BCL2L14: variants seen among roughly 807,000 people sequenced by gnomAD.
BCL2L14 encodes the protein apoptosis facilitator Bcl-2-like protein 14.
In BCL2L14, 27 loss-of-function variants were observed where a neutral mutation model predicts 35.3. That is an observed-to-expected ratio of 0.76 (90% confidence interval 0.56 to 1.05). The LOEUF (loss-of-function observed/expected upper bound fraction) is 1.05. Ranked by LOEUF, BCL2L14 falls within the 50% of genes least tolerant of loss-of-function variation. The pLI is 0.00. For missense variants in BCL2L14, 377 were observed against 382.6 expected (o/e 0.99, Z 0.12); for synonymous variants, 139 against 145.9 (o/e 0.95, Z 0.34).
chr12:12,095,729 C>T, intron 5 of BCL2L14: 2 of 985,388 alleles, frequency 2.0e-6, no homozygotes, highest in Non-Finnish European at 2.4e-6. Context: ...CTAGGCATGG[C>T]TGGAGTGACC....
intron 5 of BCL2L14, chr12:12,095,201 G>T (rs949972360): frequency 5.1e-6 from 5 of 985,262 alleles, no homozygotes; most frequent in Admixed American, 6.2e-5. Flanking sequence ...ATGAGGAGAT[G>T]CTGAGATAAG....
At chr12:12,072,879 T>A (rs1296827857) in intron 1 of BCL2L14, among the ~76,000 whole-genome samples, 1 of 151,544 alleles carries the variant, frequency 6.6e-6, no homozygotes, top group African/African-American at 2.4e-5. Flanking sequence ...TGGGTGGGTT[T>A]TTTTTTTTCT....
chr12:12,079,778 T>C (rs1565467898), intron 2 of BCL2L14, 40 bp downstream of exon 2: 1 of 1,584,196 alleles, frequency 6.3e-7, no homozygotes, highest in Admixed American at 1.7e-5. Context: ...CTTCCTGGTT[T>C]TTCCCTTCTT....
At chr12:12,055,363 G>A (rs1266235585) in intron 2 of BCL2L14, 1 of 152,180 alleles carries the variant, frequency 6.6e-6, no homozygotes, top group Non-Finnish European at 1.5e-5. Flanking sequence ...CCTGATCCGT[G>A]GGAGATGGGA....
intron 1 of BCL2L14, among the ~76,000 whole-genome samples, chr12:12,075,239 C>CAGTCTCCCA (rs1474357146): frequency 6.6e-6 from 1 of 152,054 alleles, no homozygotes; most frequent in Non-Finnish European, 1.5e-5. Flanking sequence ...TCTCCTGTTG[C>CAGTCTCCCA]AGTCTCCCAA....
chr12:12,066,806 G>A (rs1948599984), upstream of BCL2L14, among the ~76,000 whole-genome samples: 1 of 151,536 alleles, frequency 6.6e-6, no homozygotes, highest in African/African-American at 2.4e-5. Flanking sequence ...CGCCTCCCGG[G>A]TTCACGCCAT....
At chr12:12,086,645 G>T (rs1321954852) in intron 2 of BCL2L14, among the ~76,000 whole-genome samples, 1 of 152,256 alleles carries the variant, frequency 6.6e-6, no homozygotes. Context: ...TTTTCCAGTA[G>T]ACATGGAGAG....
chr12:12,079,329 C>T lies in BCL2L14; in HGVS notation c.24C>T (p.Asp8=). Residue 8 remains aspartate (D), a synonymous_variant, in exon 2 of 6, where the codon GAC becomes GAT. Coordinates refer to ENST00000308721, the MANE Select transcript of BCL2L14 (RefSeq NM_138723.2). The stretch of plus-strand genomic sequence containing the variant: ...ACATGTGTAGCACCAGTGGGTGTGA[C>T]CTGGAAGAAATCCCCCTAGATGATG... MCSTSGC[D]LEEIPLDDDD... is the part of the protein sequence containing the mutation. 6.2e-7 allele frequency: 1 copy of T among 1,613,804 alleles called. No homozygotes were observed. Among genetic ancestry groups the T allele is most frequent in the East Asian group, 2.2e-5 (1 of 44,892 alleles).
chr12:12,085,310 G>A (rs2136761297), intron 2 of BCL2L14, among the ~76,000 whole-genome samples: 1 of 152,254 alleles, frequency 6.6e-6, no homozygotes, highest in East Asian at 1.9e-4. Context: ...AGGTTGAAAA[G>A]GCAGCAGAGG....
At chr12:12,084,258 C>T (rs1220040072) in intron 2 of BCL2L14, among the ~76,000 whole-genome samples, 1 of 152,212 alleles carries the variant, frequency 6.6e-6, no homozygotes, top group Non-Finnish European at 1.5e-5. Context: ...CGCACCCAGC[C>T]TTAGCTCCCT....
At chr12:12,098,719 T>G in intron 5 of BCL2L14, among the ~76,000 whole-genome samples, 1 of 152,126 alleles carries the variant, frequency 6.6e-6, no homozygotes. Flanking sequence ...CCTCCCATCT[T>G]CAAGGAAAGA....
At chr12:12,057,861 A>G (rs192366623) in intron 2 of BCL2L14, among the ~76,000 whole-genome samples, 32 of 141,732 alleles carry the variant, frequency 2.3e-4, no homozygotes, top group Admixed American at 1.8e-3. Context: ...CCTTAAAGAC[A>G]GTGCCTGGGC....
chr12:12,065,654 C>T (rs1417402358), intron 2 of BCL2L14, among the ~76,000 whole-genome samples: 3 of 152,024 alleles, frequency 2.0e-5, no homozygotes, highest in Non-Finnish European at 4.4e-5. Flanking sequence ...TAAAGATTGC[C>T]TTAGTGAGGT....
chr12:12,098,914 A>G, intron 5 of BCL2L14, 36 bp from the exon 6 acceptor site: 1 of 1,462,376 alleles, frequency 6.8e-7, no homozygotes. Flanking sequence ...CAGTAAATCT[A>G]ACTTGGAATT....
At chr12:12,068,876 T>A (rs1482848191), upstream of BCL2L14, among the ~76,000 whole-genome samples, 3 of 152,162 alleles carry the variant, frequency 2.0e-5, no homozygotes, top group Non-Finnish European at 4.4e-5. Flanking sequence ...GCTGTTTGAT[T>A]GAGTATACGG....
chr12:12,093,505 G>C lies in BCL2L14; in HGVS notation c.679-1159G>C, dbSNP rs56799768. Among the ~76,000 whole-genome samples, 1,171 of 152,172 alleles carry C rather than the reference G, an allele frequency of 7.7e-3. 12 individuals carry two copies. Among genetic ancestry groups the C allele is most frequent in the African/African-American group, 0.027 (1,101 of 41,504 alleles). On this transcript the variant is annotated intron_variant, in intron 4 of 5. Transcript: ENST00000308721. ...AATAAAAGTTTCTTAAGAAAATGAA[G>C]GCTGGGTACGGGCACAGTGGCCCAC...
intron 5 of BCL2L14, among the ~76,000 whole-genome samples, chr12:12,096,446 A>C (rs1301251939): frequency 7.1e-6 from 1 of 141,408 alleles, no homozygotes; most frequent in Non-Finnish European, 1.6e-5. Context: ...AAAAAAAAAA[A>C]AACAACCCAC....
At chr12:12,080,129 C>G (rs1356307266) in intron 2 of BCL2L14, among the ~76,000 whole-genome samples, 1 of 150,264 alleles carries the variant, frequency 6.7e-6, no homozygotes, top group Non-Finnish European at 1.5e-5. Context: ...GGCGTGAACC[C>G]AGCAGGCGGA....
At chr12:12,078,926 A>G (rs1033427410) in intron 1 of BCL2L14, among the ~76,000 whole-genome samples, 4 of 152,200 alleles carry the variant, frequency 2.6e-5, no homozygotes, top group Non-Finnish European at 4.4e-5. Flanking sequence ...CCTCCCAAGT[A>G]GCCGGGTCTA....
Sources: allele counts gnomAD v4.1 joint callset (sites outside exome capture counted in the v4.1 genomes callset), GRCh38; gene constraint gnomAD v4.1.1; transcripts MANE v1.5; gene names NCBI Gene and HGNC (gene_info 2026-07-23, HGNC 2026-07-21).